Variants in SASH3 observed in about 807,000 individuals in gnomAD.
SASH3 encodes the protein SAM and SH3 domain containing 3.
Under a neutral mutation model 26.1 loss-of-function variants are expected in SASH3, and 7 were observed. The ratio of observed to expected loss-of-function variants is 0.27; its 90% CI spans 0.15 to 0.50. The LOEUF is 0.50. Among genes scored for constraint, SASH3 ranks in the 20% least tolerant of loss-of-function variants. The pLI is 0.98. For synonymous variants in SASH3, 138 were observed against 136.8 expected, an observed-to-expected ratio of 1.01 and a Z score of -0.06; for missense variants, 231 against 318.3, an observed-to-expected ratio of 0.73 and a Z score of 2.09.
rs1210922686 is a variant in SASH3, at chrX:129,793,647, A to T, written c.958A>T (p.Ser320Cys). 1 of 1,209,452 alleles carries T rather than the reference A, an allele frequency of 8.3e-7. No homozygotes were observed. Among genetic ancestry groups the T allele is most frequent in the African/African-American group, 1.7e-5 (1 of 57,476 alleles). The part of the protein sequence containing the change: ...AELLLDYDTG[S>C]EEAEEGAESS... ...CCCTCTCTCGTCCCTGGCAGCTGGCAGTGAGGAGGCTGAAGAGGGCGCCGA... is the reference window on the plus strand; with the variant it reads ...CCCTCTCTCGTCCCTGGCAGCTGGCTGTGAGGAGGCTGAAGAGGGCGCCGA... Residue 320 changes from serine (S) to cysteine (C), a missense_variant, in exon 8 of 8, where the codon AGT becomes TGT. Coordinates refer to ENST00000356892, the MANE Select transcript of SASH3 (RefSeq NM_018990.4).
At chrX:129,788,651 C>T (rs1927154761) in intron 3 of SASH3, 74 bp downstream of exon 3, 3 of 1,035,221 alleles carry the variant, frequency 2.9e-6, no homozygotes, top group Middle Eastern at 3.0e-4. Flanking sequence ...TGAGCATGAC[C>T]ACCTCAATAG....
chrX:129,794,041 C>A lies in SASH3; in HGVS notation c.*209C>A. The A allele has an allele frequency of 2.5e-6, 1 of 403,180 alleles. No homozygotes were observed. Among genetic ancestry groups the A allele is most frequent in the Non-Finnish European group, 4.3e-6 (1 of 233,296 alleles). The allele number at this position is 403,180 out of a possible 1,213,427, so 33.2% of individuals were successfully genotyped here. On this transcript the variant is annotated 3_prime_UTR_variant, in exon 8 of 8. Coordinates refer to ENST00000356892, the MANE Select transcript of SASH3 (RefSeq NM_018990.4). The stretch of plus-strand genomic sequence containing the variant: ...TGGGGAGTCGCCCAAGGGCACATCC[C>A]ACCTGCCTGAGCCCCGCCCTCCACC...
chrX:129,781,861 C>T (rs1056641906), intron 1 of SASH3, among the ~76,000 whole-genome samples: 2 of 112,133 alleles, frequency 1.8e-5, no homozygotes, highest in Non-Finnish European at 3.8e-5. Context: ...GAGCTTGCCT[C>T]CACACACTCT....
chrX:129,788,439 A>T lies in SASH3; in HGVS notation c.162A>T (p.Glu54Asp), dbSNP rs1188003459. Residue 54 changes from glutamate (E) to aspartate (D), a missense_variant, in exon 3 of 8, where the codon GAA becomes GAT. Physicochemically the swap from Glu to Asp is conservative, Grantham distance 45. Coordinates refer to ENST00000356892, the MANE Select transcript of SASH3 (RefSeq NM_018990.4). The stretch of plus-strand genomic sequence containing the variant: ...CTCTTTTGTTGTCACAGATTCCAGA[A>T]GATGACTCAGGTGTCCCCACCCCAG... ...KEFNLDDNIP[E>D]DDSGVPTPED... 8 of 1,210,017 alleles carry T rather than the reference A, an allele frequency of 6.6e-6. No homozygotes were observed. The highest frequency in any genetic ancestry group is 8.9e-6 in the Non-Finnish European group (8 of 895,090).
At chrX:129,788,137 G>GGGGGGGGGGGGGGGGGCTGGC in intron 2 of SASH3, 67 bp downstream of exon 2, 2 of 354,273 alleles carry the variant, frequency 5.6e-6, no homozygotes, top group East Asian at 6.3e-5. Context: ...GGGTGGGAGG[G>GGGGGGGGGGGGGGGGGCTGGC]AAGAGGGTGA....
At chrX:129,791,678 C>A (rs1927234636) in intron 4 of SASH3, among the ~76,000 whole-genome samples, 1 of 112,055 alleles carries the variant, frequency 8.9e-6, no homozygotes, top group Non-Finnish European at 1.9e-5. Context: ...TCAGCACCGC[C>A]TTTCTTGCCC....
rs757507115 is a variant in SASH3 at position 129,788,411 on chromosome X, C to T, written c.154-20C>T. On this transcript the variant is annotated intron_variant, in intron 2 of 7. Coordinates refer to ENST00000356892, the MANE Select transcript of SASH3 (RefSeq NM_018990.4). ...GGCAGGACCACCAGGGTCCCTGGAT[C>T]GCCTCTTTTGTTGTCACAGATTCCA... is the stretch of plus-strand genomic sequence containing the variant. 2.5e-6 allele frequency: 3 copies of T among 1,208,536 alleles called. No homozygotes were observed. The highest frequency in any genetic ancestry group is 3.5e-5 in the African/African-American group (2 of 57,218).
chrX:129,780,670 C>G (rs1926999773), intron 1 of SASH3, among the ~76,000 whole-genome samples: 1 of 112,765 alleles, frequency 8.9e-6, no homozygotes, highest in African/African-American at 3.2e-5. Context: ...ACCCTGCCCA[C>G]TTGGCTCAGC....
chrX:129,785,720 C>T (rs940786887), intron 1 of SASH3, among the ~76,000 whole-genome samples: 1 of 112,285 alleles, frequency 8.9e-6, no homozygotes, highest in African/African-American at 3.2e-5. Context: ...TTTCCAGCCT[C>T]ACCAGTCCCC....
chrX:129,793,154 G>T lies in SASH3; in HGVS notation c.952+15G>T. ...GGACTATGACAGTGAGTGGCTTTAG[G>T]AGCGGCCTGGTGAGGGTGTGTGCCC... On this transcript the variant is annotated intron_variant, in intron 7 of 7. Coordinates refer to ENST00000356892, the MANE Select transcript of SASH3 (RefSeq NM_018990.4). The T allele has an allele frequency of 8.3e-7, 1 of 1,211,545 alleles. No individual in the cohort carries two copies. Among genetic ancestry groups the T allele is most frequent in the Non-Finnish European group, 1.1e-6 (1 of 895,256 alleles).
At chrX:129,781,722 G>A (rs1187577124) in intron 1 of SASH3, among the ~76,000 whole-genome samples, 5 of 112,264 alleles carry the variant, frequency 4.5e-5, no homozygotes, top group East Asian at 2.8e-4. Context: ...TTCTGTGTTC[G>A]GCAGGCAAGT....
At chrX:129,789,274 C>A (rs186687151) in intron 3 of SASH3, among the ~76,000 whole-genome samples, 1 of 105,960 alleles carries the variant, frequency 9.4e-6, no homozygotes, top group Non-Finnish European at 1.9e-5. Flanking sequence ...ATCCATCCAC[C>A]TCAAAGCTTT....
chrX:129,782,076 A>G (rs1381400959), intron 1 of SASH3, among the ~76,000 whole-genome samples: 2 of 112,202 alleles, frequency 1.8e-5, no homozygotes, highest in African/African-American at 6.5e-5. Flanking sequence ...GGGCCTGCCA[A>G]TGGAGAATGT....
chrX:129,789,684 C>T (rs1007475053), intron 3 of SASH3, among the ~76,000 whole-genome samples: 29 of 111,477 alleles, frequency 2.6e-4, no homozygotes, highest in African/African-American at 8.5e-4. Context: ...CTGGCTTCAG[C>T]CCAGGGAGGA....
intron 1 of SASH3, among the ~76,000 whole-genome samples, chrX:129,784,689 T>G (rs1052213595): frequency 2.3e-4 from 26 of 111,460 alleles, no homozygotes; most frequent in African/African-American, 8.2e-4. Flanking sequence ...TGAAGTGGGC[T>G]TCAGAGAGGT....
chrX:129,784,862 G>A (rs960193014), intron 1 of SASH3, among the ~76,000 whole-genome samples: 1 of 110,222 alleles, frequency 9.1e-6, no homozygotes, highest in Non-Finnish European at 1.9e-5. Context: ...TAATTATACA[G>A]GGGGAACCAT....
At chrX:129,790,093 AT>A (rs1927204102) in intron 3 of SASH3, among the ~76,000 whole-genome samples, 1 of 111,806 alleles carries the variant, frequency 8.9e-6, no homozygotes, top group Non-Finnish European at 1.9e-5. Context: ...AAAAAATAAA[AT>A]TTTGTAAAAA....
In SASH3 at chrX:129,792,338, C is replaced by T. The variant is rs1443521373; in HGVS notation, c.453C>T (p.Leu151=). 1 of 1,206,915 alleles carries T rather than the reference C, an allele frequency of 8.3e-7. No homozygotes were observed. The highest frequency in any genetic ancestry group is 1.1e-6 in the Non-Finnish European group (1 of 892,833). The change falls in exon 5 of 8, where the codon CTC becomes CTT. Residue 151 remains leucine (L), a synonymous_variant. Coordinates refer to ENST00000356892, the MANE Select transcript of SASH3 (RefSeq NM_018990.4). The part of the protein sequence containing the change: ...LSRQASTGSE[L]CSPSPGSGSF... ...CCCCATCTCCTGCAGGCAGTGAGCT[C>T]TGCAGCCCCAGCCCAGGTTCTGGCA...
chrX:129,788,602 G>A, intron 3 of SASH3, 25 bp downstream of exon 3: 1 of 1,195,101 alleles, frequency 8.4e-7, no homozygotes, highest in Non-Finnish European at 1.1e-6. Context: ...TATAGGGGAT[G>A]GGGTGTCCAG....
Sources: allele counts gnomAD v4.1 joint callset (sites outside exome capture counted in the v4.1 genomes callset), GRCh38; gene constraint gnomAD v4.1.1; transcripts MANE v1.5; gene names NCBI Gene and HGNC (gene_info 2026-07-23, HGNC 2026-07-21).